Variants in TEAD1 observed in about 807,000 individuals in gnomAD.
TEAD1 encodes the protein TEA domain transcription factor 1, also known as transcriptional enhancer factor TEF-1.
TEAD1 carries 9 observed loss-of-function variants against 54.9 expected under a neutral mutation model. The observed-to-expected ratio is 0.16, with a 90% CI of 0.10 to 0.29. TEAD1 has a LOEUF of 0.29. Among genes scored for constraint, TEAD1 ranks in the 10% least tolerant of loss-of-function variants. The pLI, the probability that TEAD1 is intolerant of heterozygous loss-of-function variation, is 1.00. For synonymous variants in TEAD1, 200 were observed against 187.8 expected (o/e 1.07, Z -0.53); for missense variants, 387 against 535.9 (o/e 0.72, Z 2.74).
chr11:12,930,179 G>T lies in TEAD1; in HGVS notation c.1020G>T (p.Glu340Asp). ...AAATCCTTTTTTCCTCACAGACGGA[G>T]TATGCAAGGTTTGAGAATGGCCGAT... is the stretch of plus-strand genomic sequence containing the variant. Residue 340 changes from glutamate (E) to aspartate (D), a missense_variant, in exon 12 of 13, where the codon GAG (glutamate) becomes GAT (aspartate). Coordinates refer to ENST00000527636, the MANE Select transcript of TEAD1 (RefSeq NM_021961.6). 1 of 1,614,210 alleles carries T rather than the reference G, an allele frequency of 6.2e-7. No individual in the cohort carries two copies. Among genetic ancestry groups the T allele is most frequent in the South Asian group, 1.1e-5 (1 of 91,082 alleles).
chr11:12,726,094 A>G (rs1179777704), intron 2 of TEAD1, among the ~76,000 whole-genome samples: 2 of 152,258 alleles, frequency 1.3e-5, no homozygotes, highest in Admixed American at 6.5e-5. Context: ...GGAACATAAA[A>G]TAGCAGATGA....
chr11:12,681,923 C>T (rs1564905252), intron 2 of TEAD1, among the ~76,000 whole-genome samples: 3 of 152,254 alleles, frequency 2.0e-5, no homozygotes, highest in African/African-American at 4.8e-5. Context: ...TCTGTTCCTG[C>T]TCCAGGAAGC....
intron 3 of TEAD1, among the ~76,000 whole-genome samples, chr11:12,811,648 A>G (rs986859411): frequency 1.3e-5 from 2 of 152,142 alleles, no homozygotes; most frequent in Admixed American, 6.5e-5. Context: ...TCTCTGGGGC[A>G]AGGCAGCTTG....
Position 12,713,637 on chromosome 11 carries a change from C to T in TEAD1, c.-55+38076C>T, listed in dbSNP as rs533891181. Among the ~76,000 whole-genome samples, 14 of 152,272 alleles carry T rather than the reference C, an allele frequency of 9.2e-5. No homozygotes were observed. The South Asian group carries it at 1.9e-3, about 20-fold the overall frequency. ...GAAGCAGATCCTGGCAGCATTCTAG[C>T]TGGAGGGTACAACCCAATTAAAATG... On this transcript the variant is annotated intron_variant, in intron 2 of 12. Transcript: ENST00000527636.
rs548372852 is a variant in TEAD1, at chr11:12,866,636, T to TG, written c.330+1740dup. On this transcript the variant is annotated intron_variant, in intron 5 of 12. Coordinates refer to ENST00000527636, the MANE Select transcript of TEAD1 (RefSeq NM_021961.6). ...CTTTCAGCCCTGGGCCACTCTCTTT[T>TG]GGGGCAGGCACAAGGAAGAGACAGA... Among the ~76,000 whole-genome samples, 12 of 152,334 alleles carry TG rather than the reference T, an allele frequency of 7.9e-5. No individual in the cohort carries two copies. The East Asian group carries it at 1.9e-3, about 24-fold the overall frequency.
chr11:12,701,276 G>C (rs1373095886), intron 2 of TEAD1, among the ~76,000 whole-genome samples: 1 of 151,580 alleles, frequency 6.6e-6, no homozygotes, highest in East Asian at 1.9e-4. Context: ...TAAAACTATT[G>C]AAAGTCAGCC....
intron 2 of TEAD1, among the ~76,000 whole-genome samples, chr11:12,683,270 G>A (rs924446834): frequency 6.6e-6 from 1 of 152,168 alleles, no homozygotes; most frequent in Non-Finnish European, 1.5e-5. Context: ...AAATCCTGCT[G>A]CATCTTATCG....
intron 2 of TEAD1, among the ~76,000 whole-genome samples, chr11:12,716,533 TAGTC>T (rs1944066781): frequency 6.6e-6 from 1 of 152,302 alleles, no homozygotes; most frequent in South Asian, 2.1e-4. Context: ...ACTTGCTTCT[TAGTC>T]AGGGGTCAGA....
chr11:12,727,325 A>G (rs781530987), intron 2 of TEAD1, among the ~76,000 whole-genome samples: 26 of 152,144 alleles, frequency 1.7e-4, no homozygotes, highest in Non-Finnish European at 3.5e-4. Context: ...GGAGAGACTG[A>G]CGCAGGAGAG....
At chr11:12,791,429 T>C (rs781201073) in intron 3 of TEAD1, among the ~76,000 whole-genome samples, 2 of 152,222 alleles carry the variant, frequency 1.3e-5, no homozygotes, top group Non-Finnish European at 1.5e-5. Context: ...ATTCCTGATC[T>C]GAGGGAAGAT....
rs1944835490 is a variant in TEAD1 at position 12,750,061 on chromosome 11, G to A, written c.-54-14118G>A. Among the ~76,000 whole-genome samples the A allele has an allele frequency of 2.0e-5, 3 of 152,232 alleles. No individual in the cohort carries two copies. In the South Asian group the frequency reaches 6.2e-4, roughly 32 times the overall value. ...GTTTAAAGGGTGGGGACTTGCTTGTGTTGGTGATCATTGGGACCCAGTTGA... is the reference window on the plus strand; with the variant it reads ...GTTTAAAGGGTGGGGACTTGCTTGTATTGGTGATCATTGGGACCCAGTTGA... On this transcript the variant is annotated intron_variant, in intron 2 of 12. Coordinates refer to ENST00000527636, the MANE Select transcript of TEAD1 (RefSeq NM_021961.6).
intron 2 of TEAD1, among the ~76,000 whole-genome samples, chr11:12,739,113 TG>T (rs1944595051): frequency 6.6e-6 from 1 of 152,188 alleles, no homozygotes; most frequent in Non-Finnish European, 1.5e-5. Flanking sequence ...GGAATATGAG[TG>T]CTCCAGCACT....
At chr11:12,856,176 G>T (rs928686296) in intron 3 of TEAD1, among the ~76,000 whole-genome samples, 5 of 147,720 alleles carry the variant, frequency 3.4e-5, no homozygotes, top group African/African-American at 7.5e-5. Context: ...GTGCCAAATT[G>T]GGACTACAGG....
chr11:12,683,701 C>G (rs900574478), intron 2 of TEAD1, among the ~76,000 whole-genome samples: 4 of 152,030 alleles, frequency 2.6e-5, no homozygotes, highest in African/African-American at 9.7e-5. Context: ...CATATCGATA[C>G]GGTTTGTTGC....
rs1033896101 is a variant in TEAD1 at position 12,840,592 on chromosome 11, C to T, written c.203-21658C>T. 5.9e-5 allele frequency among the ~76,000 whole-genome samples: 9 copies of T among 152,178 alleles called. No individual in the cohort carries two copies. In the South Asian group the frequency reaches 8.3e-4, roughly 14 times the overall value. On this transcript the variant is annotated intron_variant, in intron 3 of 12. Transcript: ENST00000527636. ...AGCCTGGGGGCCTAGGTCTGGGGTT[C>T]GGCTGTGTGCTCTTCCTGCAGTTTG...
intron 4 of TEAD1, among the ~76,000 whole-genome samples, chr11:12,862,993 T>G (rs1564967913): frequency 6.6e-6 from 1 of 151,858 alleles, no homozygotes; most frequent in Non-Finnish European, 1.5e-5. Flanking sequence ...GAATGAGAAA[T>G]TAGTGTTTAA....
intron 3 of TEAD1, among the ~76,000 whole-genome samples, chr11:12,766,114 A>G (rs1250584506): frequency 1.3e-5 from 2 of 152,256 alleles, no homozygotes; most frequent in East Asian, 3.8e-4. Flanking sequence ...AAGGCATAGT[A>G]TTAGAAATCC....
At chr11:12,876,707 C>A (rs1434188786) in intron 5 of TEAD1, among the ~76,000 whole-genome samples, 1 of 152,294 alleles carries the variant, frequency 6.6e-6, no homozygotes. Flanking sequence ...TTTCAGAAAT[C>A]TGCCTTGAGA....
intron 3 of TEAD1, among the ~76,000 whole-genome samples, chr11:12,858,792 A>G (rs1947442304): frequency 6.6e-6 from 1 of 152,206 alleles, no homozygotes; most frequent in Non-Finnish European, 1.5e-5. Context: ...TAATTTTTAG[A>G]AGTCACTGAA....
Sources: allele counts gnomAD v4.1 joint callset (sites outside exome capture counted in the v4.1 genomes callset), GRCh38; gene constraint gnomAD v4.1.1; transcripts MANE v1.5; gene names NCBI Gene and HGNC (gene_info 2026-07-23, HGNC 2026-07-21).